The following SULT1C2 variants were observed in gnomAD, a reference collection of about 807,000 sequenced individuals.
SULT1C2 encodes the protein sulfotransferase 1C2.
Under a neutral mutation model 36.0 loss-of-function variants are expected in SULT1C2, and 27 were observed. The ratio of observed to expected loss-of-function variants is 0.75; its 90% CI spans 0.55 to 1.03. The LOEUF is 1.03. Ranked by LOEUF, SULT1C2 falls within the 50% of genes least tolerant of loss-of-function variation. The probability of loss-of-function intolerance (pLI) is 0.00; values close to 1 mark genes in which losing one functional copy is unlikely to be tolerated. For missense variants in SULT1C2, 395 were observed against 359.2 expected, an observed-to-expected ratio of 1.10 and a Z score of -0.80; for synonymous variants, 121 against 116.0, an observed-to-expected ratio of 1.04 and a Z score of -0.27.
chr2:108,295,056 A>ATG (rs754063731), intron 3 of SULT1C2, among the ~76,000 whole-genome samples: 5 of 152,228 alleles, frequency 3.3e-5, no homozygotes, highest in Non-Finnish European at 7.3e-5. Flanking sequence ...AGCTATGAAA[A>ATG]TGTAGTTAAT....
chr2:108,293,858 C>A, intron 2 of SULT1C2, 40 bp downstream of exon 2: 1 of 1,599,084 alleles, frequency 6.3e-7, no homozygotes, highest in Non-Finnish European at 8.5e-7. Context: ...ACCTGCTGAG[C>A]CAGCACAGGC....
chr2:108,294,477 C>CTCTCTCCCTCCCTCTCTCCTTCCTCTTA, intron 3 of SULT1C2, 123 bp downstream of exon 3: 2 of 265,640 alleles, frequency 7.5e-6, no homozygotes, highest in Non-Finnish European at 1.3e-5. Context: ...CCTTCCTCTT[C>CTCTCTCCCTCCCTCTCTCCTTCCTCTTA]TCTTTCTCTC....
chr2:108,300,620 A>G (rs1676845951), intron 3 of SULT1C2: 3 of 673,836 alleles, frequency 4.5e-6, no homozygotes, highest in Non-Finnish European at 6.7e-6. Context: ...TTAAAGTGAC[A>G]GAGTAAATTA....
At chr2:108,294,183 T>C (rs759855424) in intron 2 of SULT1C2, 46 bp from the exon 3 acceptor site, 10 of 1,609,812 alleles carry the variant, frequency 6.2e-6, no homozygotes, top group East Asian at 2.2e-5. Flanking sequence ...TCAGGGAAGA[T>C]TGTCTAACAG....
At chr2:108,299,322 T>C (rs1221978595) in intron 3 of SULT1C2, 1 of 152,234 alleles carries the variant, frequency 6.6e-6, no homozygotes, top group African/African-American at 2.4e-5. Flanking sequence ...AGCCTGATTA[T>C]GCACTTAAAT....
intron 1 of SULT1C2, among the ~76,000 whole-genome samples, chr2:108,293,435 G>T (rs1184127919): frequency 6.6e-6 from 1 of 152,064 alleles, no homozygotes; most frequent in Non-Finnish European, 1.5e-5. Flanking sequence ...GCTGAGGGAG[G>T]GGGAATGGGA....
chr2:108,294,109 T>C (rs1318752104), intron 2 of SULT1C2, 120 bp from the exon 3 acceptor site: 1 of 1,513,990 alleles, frequency 6.6e-7, no homozygotes, highest in Non-Finnish European at 8.8e-7. Context: ...AACAGGATTC[T>C]GACCCAAGGG....
At chr2:108,307,230 G>C (rs1046501132) in intron 7 of SULT1C2, among the ~76,000 whole-genome samples, 1 of 152,092 alleles carries the variant, frequency 6.6e-6, no homozygotes, top group African/African-American at 2.4e-5. Flanking sequence ...ATTTGTCAAG[G>C]TGCCCTTCTT....
intron 2 of SULT1C2, 145 bp from the exon 3 acceptor site, chr2:108,294,084 C>T: frequency 6.9e-7 from 1 of 1,456,850 alleles, no homozygotes; most frequent in Non-Finnish European, 9.2e-7. Context: ...TCATGGACTT[C>T]TATCACTCAT....
At chr2:108,304,727 C>T (rs369554218) in intron 5 of SULT1C2, 27 bp downstream of exon 5, 1 of 1,593,138 alleles carries the variant, frequency 6.3e-7, no homozygotes, top group African/African-American at 1.3e-5. Context: ...CACACCCTTG[C>T]ATTCTCACTC....
chr2:108,297,668 G>A (rs1206981478), intron 3 of SULT1C2, among the ~76,000 whole-genome samples: 1 of 152,162 alleles, frequency 6.6e-6, no homozygotes, highest in Non-Finnish European at 1.5e-5. Flanking sequence ...ACCCCATGGG[G>A]CTTTTCTGAA....
intron 7 of SULT1C2, among the ~76,000 whole-genome samples, 186 bp from the exon 8 acceptor site, chr2:108,308,166 G>A (rs534096918): frequency 6.6e-6 from 1 of 152,176 alleles, no homozygotes; most frequent in South Asian, 2.1e-4. Flanking sequence ...CCATCCCCCT[G>A]CACAGAGTCC....
chr2:108,291,784 T>C (rs1676597945), intron 1 of SULT1C2, among the ~76,000 whole-genome samples: 2 of 152,146 alleles, frequency 1.3e-5, no homozygotes, highest in Admixed American at 1.3e-4. Flanking sequence ...AAAAGAAAAG[T>C]CCACGAAGGA....
intron 3 of SULT1C2, among the ~76,000 whole-genome samples, chr2:108,297,056 C>T (rs1676748799): frequency 6.6e-6 from 1 of 152,180 alleles, no homozygotes; most frequent in Non-Finnish European, 1.5e-5. Context: ...GACCTGTGTG[C>T]ATGTGTATGC....
Position 108,309,774 on chromosome 2 carries a change from A to G in SULT1C2, c.*1310A>G, listed in dbSNP as rs1346427795. ...AGAGAAAAAAAAAAGGAAAAAAAGA[A>G]AAGAAAAGTGAAAAGAAAAACTCTT... On this transcript the variant is annotated 3_prime_UTR_variant, in exon 8 of 8. Transcript: ENST00000251481. The G allele has an allele frequency of 6.6e-6, 1 of 152,116 alleles. No homozygotes were observed. The highest frequency in any genetic ancestry group is 1.5e-5 in the Non-Finnish European group (1 of 68,026). The allele number at this position is 152,116 out of a possible 1,614,324, so 9.4% of individuals were successfully genotyped here.
intron 3 of SULT1C2, 31 bp downstream of exon 3, chr2:108,294,385 G>C (rs1573244945): frequency 3.8e-6 from 6 of 1,591,902 alleles, no homozygotes; most frequent in South Asian, 1.1e-5. Flanking sequence ...CTCTCTTCCT[G>C]CTTTCTTTCC....
chr2:108,289,179 A>T (rs1356174203), intron 1 of SULT1C2, 109 bp downstream of exon 1: 1 of 152,644 alleles, frequency 6.6e-6, no homozygotes, highest in Non-Finnish European at 1.5e-5. Flanking sequence ...ACCAGAAAAG[A>T]TCCTAAGAAT....
At position 108,307,725 on chromosome 2, in the gene SULT1C2, T is replaced by G. The variant is rs188566837; in HGVS notation, c.779-627T>G. ...TCCAAAATAGTTTTTTATTGAGATA[T>G]AATCAAAATACCAAAAATGCACAGA... On this transcript the variant is annotated intron_variant, in intron 7 of 7. Coordinates refer to ENST00000251481, the MANE Select transcript of SULT1C2 (RefSeq NM_001056.4). Among the ~76,000 whole-genome samples, 9 of 152,332 alleles carry G rather than the reference T, an allele frequency of 5.9e-5. No individual in the cohort carries two copies. The East Asian group carries it at 1.7e-3, about 29-fold the overall frequency.
At chr2:108,302,131 G>A (rs967593893) in intron 4 of SULT1C2, 2 of 152,210 alleles carry the variant, frequency 1.3e-5, no homozygotes, top group African/African-American at 4.8e-5. Flanking sequence ...AGAAACTGCA[G>A]AGGAAACTGA....
Sources: gnomAD v4.1 joint callset for allele counts (sites outside exome capture counted in the v4.1 genomes callset) on GRCh38, gnomAD v4.1.1 for gene constraint, MANE v1.5 for transcripts, NCBI Gene and HGNC (gene_info 2026-07-23, HGNC 2026-07-21) for gene names.